RRP15: variants seen among roughly 807,000 people sequenced by gnomAD.
RRP15 encodes the protein ribosomal RNA processing 15 homolog.
Under a neutral mutation model 27.1 loss-of-function variants are expected in RRP15, and 18 were observed. The observed-to-expected ratio is 0.66, with a 90% CI of 0.46 to 0.98. The LOEUF (loss-of-function observed/expected upper bound fraction) is 0.98. Ranked by LOEUF, RRP15 falls within the 50% of genes least tolerant of loss-of-function variation. The pLI, the probability that RRP15 is intolerant of heterozygous loss-of-function variation, is 0.00. For synonymous variants in RRP15, 107 were observed against 109.4 expected (o/e 0.98, Z 0.14); for missense variants, 359 against 337.8 (o/e 1.06, Z -0.49).
At chr1:218,286,979 G>T (rs1655557890) in intron 1 of RRP15, among the ~76,000 whole-genome samples, 1 of 151,784 alleles carries the variant, frequency 6.6e-6, no homozygotes, top group Non-Finnish European at 1.5e-5. Context: ...TTTGAGACAG[G>T]GTCTTGCTTT....
At chr1:218,314,918 G>C (rs947255449) in intron 4 of RRP15, among the ~76,000 whole-genome samples, 1 of 151,222 alleles carries the variant, frequency 6.6e-6, no homozygotes, top group Non-Finnish European at 1.5e-5. Flanking sequence ...CTTGAACCTG[G>C]GAGATGGAGG....
chr1:218,332,969 T>G lies in RRP15; in HGVS notation c.*1878T>G, dbSNP rs1160420869. On this transcript the variant is annotated 3_prime_UTR_variant, in exon 5 of 5. Transcript: ENST00000366932. ...AATGTGTTTCTGCGTTATACTAGAG[T>G]TTTGCAGGAATTTTTCTGAATAGTA... 6.6e-6 allele frequency: 1 copy of G among 151,952 alleles called. No individual in the cohort carries two copies. The highest frequency in any genetic ancestry group is 1.9e-4 in the East Asian group (1 of 5,184). The allele number at this position is 151,952 out of a possible 1,614,324, so 9.4% of individuals were successfully genotyped here. A position where few individuals can be genotyped will look rare whatever the true frequency, so the allele number is the denominator to read the frequency against.
rs138212930 is a variant in RRP15, at chr1:218,305,028, C to T, written c.406C>T (p.Arg136Cys). The T allele has an allele frequency of 5.0e-5, 80 of 1,611,408 alleles. No individual in the cohort carries two copies. The highest frequency in any genetic ancestry group is 1.7e-4 in the Middle Eastern group (1 of 6,050). Residue 136 changes from arginine (R) to cysteine (C), a missense_variant and splice_region_variant, in exon 3 of 5, where the codon CGT becomes TGT. Arg to Cys is a radical substitution (Grantham distance 180). Transcript: ENST00000366932. ...KQERLEKIKQRDKRLEWEMMC... is the reference protein window; with the variant it reads ...KQERLEKIKQCDKRLEWEMMC... ...TCACATAACAATATTTATAACGCAGCGTGATAAGAGGCTGGAGTGGGAAAT... is the reference window on the plus strand; with the variant it reads ...TCACATAACAATATTTATAACGCAGTGTGATAAGAGGCTGGAGTGGGAAAT...
chr1:218,305,262 C>A, intron 3 of RRP15, 137 bp downstream of exon 3: 1 of 604,730 alleles, frequency 1.7e-6, no homozygotes, highest in South Asian at 2.1e-5. Flanking sequence ...CTGTTCAACA[C>A]TGAATTCAAC....
Position 218,316,602 on chromosome 1 carries a change from A to G in RRP15, c.705+8970A>G, listed in dbSNP as rs73108389. 1.8e-4 allele frequency among the ~76,000 whole-genome samples: 27 copies of G among 152,320 alleles called. 1 individual carries two copies. Among genetic ancestry groups the G allele is most frequent in the African/African-American group, 6.3e-4 (26 of 41,578 alleles). On this transcript the variant is annotated intron_variant, in intron 4 of 4. Coordinates refer to ENST00000366932, the MANE Select transcript of RRP15 (RefSeq NM_016052.4). ...CCTGAGTTCAAAATGCCTGTTATAT[A>G]TAGTAGTAATAACAGTCCCTACCTC...
At chr1:218,294,452 TC>T (rs34351470) in intron 1 of RRP15, among the ~76,000 whole-genome samples, 2,184 of 152,262 alleles carry the variant, frequency 0.014, 51 homozygotes, top group African/African-American at 0.048. Flanking sequence ...CGATTAATTT[TC>T]TAGAGCAACT....
At chr1:218,320,185 T>G (rs911622886) in intron 4 of RRP15, among the ~76,000 whole-genome samples, 2 of 152,050 alleles carry the variant, frequency 1.3e-5, no homozygotes, top group Admixed American at 1.3e-4. Context: ...GCGTTAGATA[T>G]ATCTCCTAAA....
intron 4 of RRP15, among the ~76,000 whole-genome samples, chr1:218,314,637 T>A (rs992302262): frequency 9.2e-5 from 14 of 152,278 alleles, no homozygotes; most frequent in East Asian, 3.9e-4. Flanking sequence ...GGTTTTTTTT[T>A]AATAATGAAA....
At chr1:218,320,832 A>C (rs1023760897) in intron 4 of RRP15, among the ~76,000 whole-genome samples, 1 of 152,182 alleles carries the variant, frequency 6.6e-6, no homozygotes, top group African/African-American at 2.4e-5. Flanking sequence ...GCTTACTGAA[A>C]ATTTTTAACA....
At chr1:218,314,063 C>T (rs907649266) in intron 4 of RRP15, among the ~76,000 whole-genome samples, 2 of 151,022 alleles carry the variant, frequency 1.3e-5, no homozygotes, top group Non-Finnish European at 2.9e-5. Flanking sequence ...CTATGCTGCC[C>T]AGCCTGGTCT....
At chr1:218,287,075 T>TG (rs1368054871) in intron 1 of RRP15, among the ~76,000 whole-genome samples, 1 of 151,558 alleles carries the variant, frequency 6.6e-6, no homozygotes. Flanking sequence ...GCGATCCTCT[T>TG]GCTTCAGCTT....
intron 2 of RRP15, among the ~76,000 whole-genome samples, chr1:218,304,159 A>C (rs1427212133): frequency 3.9e-5 from 6 of 152,236 alleles, no homozygotes; most frequent in Admixed American, 1.3e-4. Context: ...ACTTTCATTA[A>C]TACAAAATGA....
rs1558205571 is a variant in RRP15 at position 218,305,087 on chromosome 1, CAAAG to C, written c.467_470del (p.Lys156ArgfsTer39). 1.2e-6 allele frequency: 2 copies of C among 1,613,708 alleles called. No homozygotes were observed. Reference sequence around the variant, plus strand: ...GAGTAAAGCCAGATGTTGTCCAAGACAAAGAGACAGAGAGAAATCTTCAGAGAAT... The same window carrying C: ...GAGTAAAGCCAGATGTTGTCCAAGACAGACAGAGAGAAATCTTCAGAGAAT... On this transcript the variant is annotated frameshift_variant, in exon 3 of 5. Coordinates refer to ENST00000366932, the MANE Select transcript of RRP15 (RefSeq NM_016052.4). LOFTEE classifies it high-confidence loss of function.
intron 4 of RRP15, among the ~76,000 whole-genome samples, chr1:218,320,048 T>C (rs1175518811): frequency 8.8e-6 from 1 of 113,862 alleles, no homozygotes; most frequent in Non-Finnish European, 1.6e-5. Flanking sequence ...GTTTTATTTC[T>C]TTTTTTTTCT....
At chr1:218,307,214 ATCTGTTTAGAAATT>A (rs1217494758) in intron 3 of RRP15, among the ~76,000 whole-genome samples, 3 of 152,172 alleles carry the variant, frequency 2.0e-5, no homozygotes, top group Non-Finnish European at 4.4e-5. Flanking sequence ...CACATTTGTT[ATCTGTTTAGAAATT>A]TATATTCATT....
At chr1:218,308,861 G>A (rs1196688798) in intron 4 of RRP15, among the ~76,000 whole-genome samples, 4 of 152,158 alleles carry the variant, frequency 2.6e-5, no homozygotes, top group Non-Finnish European at 5.9e-5. Context: ...CTGTATTCTC[G>A]CTAGTAACAT....
chr1:218,287,784 T>C (rs1345146716), intron 1 of RRP15, among the ~76,000 whole-genome samples: 1 of 152,220 alleles, frequency 6.6e-6, no homozygotes, highest in Non-Finnish European at 1.5e-5. Flanking sequence ...GTTCCCCAAA[T>C]GTCAAAAGTA....
intron 4 of RRP15, among the ~76,000 whole-genome samples, chr1:218,310,859 C>T (rs913307173): frequency 2.6e-5 from 4 of 152,104 alleles, no homozygotes; most frequent in Admixed American, 2.0e-4. Context: ...AGCGATTCTC[C>T]TGTCTCAGCC....
rs1656356403 is a variant in RRP15 at position 218,330,970 on chromosome 1, G to A, written c.728G>A (p.Gly243Asp). 1.2e-6 allele frequency: 2 copies of A among 1,612,810 alleles called. No individual in the cohort carries two copies. Among genetic ancestry groups the A allele is most frequent in the African/African-American group, 2.7e-5 (2 of 75,016 alleles). The change falls in exon 5 of 5, where the codon GGC (glycine) becomes GAC (aspartate). Residue 243 changes from glycine to aspartate, a missense_variant. By Grantham distance (94) the Gly-to-Asp change is moderately conservative (BLOSUM62 -1). Coordinates refer to ENST00000366932, the MANE Select transcript of RRP15 (RefSeq NM_016052.4). The part of the protein sequence containing the change: ...AKQTEVKSEE[G>D]PGWTILRDDF... ...TAGACTGAAGTGAAATCAGAAGAAG[G>A]CCCAGGTTGGACGATCCTACGTGAT...
Sources: gnomAD v4.1 joint callset for allele counts (sites outside exome capture counted in the v4.1 genomes callset) on GRCh38, gnomAD v4.1.1 for gene constraint, MANE v1.5 for transcripts, NCBI Gene and HGNC (gene_info 2026-07-23, HGNC 2026-07-21) for gene names.